HADHA: variants seen among roughly 807,000 people sequenced by gnomAD.
The protein encoded by HADHA is hydroxyacyl-CoA dehydrogenase trifunctional multienzyme complex subunit alpha, also known as trifunctional enzyme subunit alpha, mitochondrial.
Under a neutral mutation model 91.3 loss-of-function variants are expected in HADHA, and 59 were observed. That is an observed-to-expected ratio of 0.65 (90% CI 0.52 to 0.80). HADHA has a LOEUF of 0.80. HADHA is among the 30% of genes least tolerant of loss of function. The probability of loss-of-function intolerance (pLI) is 0.00; values close to 1 mark genes in which losing one functional copy is unlikely to be tolerated. For missense variants in HADHA, 800 were observed against 927.6 expected, an observed-to-expected ratio of 0.86 and a Z score of 1.79; for synonymous variants, 320 against 338.9, an observed-to-expected ratio of 0.94 and a Z score of 0.61.
At position 26,229,337 on chromosome 2, in the gene HADHA, T is replaced by C. The variant is rs887808207; in HGVS notation, c.676+855A>G. On this transcript the variant is annotated intron_variant, in intron 7 of 19. Coordinates refer to ENST00000380649, the MANE Select transcript of HADHA (RefSeq NM_000182.5). This position sits in a 1 kb window ranked among gnomAD's most constrained non-coding sequence, Gnocchi z 4.3. ...TGAGCAACAGAGTGAGACCCCAACA[T>C]GTGTGCGCGCGCACACACACACACA... Among the ~76,000 whole-genome samples the C allele has an allele frequency of 3.8e-5, 2 of 52,536 alleles. No individual in the cohort carries two copies. Among genetic ancestry groups the C allele is most frequent in the African/African-American group, 1.4e-4 (1 of 7,278 alleles). 34.5% of individuals were successfully genotyped at this position (52,536 alleles called of 152,430 possible). A position where few individuals can be genotyped will look rare whatever the true frequency, so the allele number is the denominator to read the frequency against.
intron 11 of HADHA, among the ~76,000 whole-genome samples, chr2:26,208,483 T>A (rs1670019828): frequency 6.6e-6 from 1 of 152,218 alleles, no homozygotes; most frequent in South Asian, 2.1e-4. Context: ...AGTACCCTCT[T>A]CTGTTGCAAA....
chr2:26,242,156 C>A (rs905074108), intron 1 of HADHA, among the ~76,000 whole-genome samples: 1 of 152,174 alleles, frequency 6.6e-6, no homozygotes, highest in African/African-American at 2.4e-5. Context: ...TCCCAATATA[C>A]TGGGATTATA....
At chr2:26,237,499 C>T (rs1469217492) in intron 3 of HADHA, among the ~76,000 whole-genome samples, 2 of 152,038 alleles carry the variant, frequency 1.3e-5, no homozygotes, top group South Asian at 2.1e-4. Flanking sequence ...TGACAGCACA[C>T]GCCTATAGTC....
At chr2:26,200,757 G>A (rs1669809615) in intron 13 of HADHA, among the ~76,000 whole-genome samples, 1 of 149,576 alleles carries the variant, frequency 6.7e-6, no homozygotes, top group Non-Finnish European at 1.5e-5. Flanking sequence ...TTTGGAGATG[G>A]AGTCTCGCTC....
At position 26,193,700 on chromosome 2, in the gene HADHA, C is replaced by T; in HGVS notation, c.1762G>A (p.Val588Met). The change falls in exon 17 of 20, where the codon GTG (valine) becomes ATG (methionine). Residue 588 changes from valine (V) to methionine (M), a missense_variant. By Grantham distance (21) the Val-to-Met change is conservative. Transcript: ENST00000380649. Reference protein sequence around the residue: ...FGFPVGAATLVDEVGVDVAKH... With the variant: ...FGFPVGAATLMDEVGVDVAKH... Reference sequence around the variant, plus strand: ...GCTACATCCACACCAACTTCATCCACCAGTGTGGCGGCACCCACAGGAAAG... The same window carrying T: ...GCTACATCCACACCAACTTCATCCATCAGTGTGGCGGCACCCACAGGAAAG... 6.2e-7 allele frequency: 1 copy of T among 1,613,998 alleles called. No individual in the cohort carries two copies. Among genetic ancestry groups the T allele is most frequent in the Non-Finnish European group, 8.5e-7 (1 of 1,179,856 alleles).
rs745530073 is a variant in HADHA, at chr2:26,232,215, T to G, written c.518A>C (p.Glu173Ala). 3 of 1,605,834 alleles carry G rather than the reference T, an allele frequency of 1.9e-6. No individual in the cohort carries two copies. Among genetic ancestry groups the G allele is most frequent in the Non-Finnish European group, 2.6e-6 (3 of 1,172,480 alleles). Residue 173 changes from glutamate (E) to alanine (A), a missense_variant, in exon 6 of 20, where the codon GAA becomes GCA. Physicochemically the swap from Glu to Ala is moderately radical, Grantham distance 107 (BLOSUM62 -1). Coordinates refer to ENST00000380649, the MANE Select transcript of HADHA (RefSeq NM_000182.5). ...TCCTGGTAAGGCCCCCAGCAAAACT[T>G]CAGGGGTACCTAATACTGTTTTTCT... ...KDRKTVLGTP[E>A]VLLGALPGAG...
chr2:26,233,040 A>G (rs1383585921), intron 5 of HADHA, among the ~76,000 whole-genome samples: 2 of 152,148 alleles, frequency 1.3e-5, no homozygotes, highest in African/African-American at 4.8e-5. Flanking sequence ...AGGCCAATGG[A>G]GTGCGCAACC....
At chr2:26,211,070 C>A (rs1392723095) in intron 10 of HADHA, among the ~76,000 whole-genome samples, 1 of 152,112 alleles carries the variant, frequency 6.6e-6, no homozygotes, top group African/African-American at 2.4e-5. Flanking sequence ...ATCTAATAAA[C>A]CAGTGATTTT....
At chr2:26,236,339 ATGTG>A (rs752287719) in intron 4 of HADHA, among the ~76,000 whole-genome samples, 47 of 109,848 alleles carry the variant, frequency 4.3e-4, no homozygotes, top group Non-Finnish European at 7.4e-4. Context: ...AGATCACATG[ATGTG>A]TGTGTGTGTG....
chr2:26,237,315 GA>G (rs1040922871), intron 3 of HADHA, among the ~76,000 whole-genome samples: 7 of 152,102 alleles, frequency 4.6e-5, no homozygotes, highest in African/African-American at 1.7e-4. Context: ...ATAATGTTAA[GA>G]AAAAAATGAA....
At position 26,244,616 on chromosome 2, in the gene HADHA, C is replaced by A. The variant is rs370081402; in HGVS notation, c.-20G>T. ...CACCATCTTGAGCTGAAGAGGACAG[C>A]AGTGGAGAGCGCCTCTAACGGGTGC... On this transcript the variant is annotated 5_prime_UTR_variant, in exon 1 of 20. Coordinates refer to ENST00000380649, the MANE Select transcript of HADHA (RefSeq NM_000182.5). The A allele has an allele frequency of 2.0e-5, 31 of 1,565,776 alleles. No individual in the cohort carries two copies. Among genetic ancestry groups the A allele is most frequent in the Non-Finnish European group, 2.6e-5 (30 of 1,154,732 alleles).
chr2:26,190,734 T>G lies in HADHA; in HGVS notation c.*516A>C. The G allele has an allele frequency of 5.0e-6, 1 of 199,378 alleles. No homozygotes were observed. Among genetic ancestry groups the G allele is most frequent in the Non-Finnish European group, 1.0e-5 (1 of 96,454 alleles). 12.4% of individuals were successfully genotyped at this position (199,378 alleles called of 1,614,324 possible). A position where few individuals can be genotyped will look rare whatever the true frequency, so the allele number is the denominator to read the frequency against. ...GGTGTGTGTGGTTGAGCCCACCAGG[T>G]CCCACTTTCTCTCATCCCAGTCCCT... On this transcript the variant is annotated 3_prime_UTR_variant, in exon 20 of 20. Coordinates refer to ENST00000380649, the MANE Select transcript of HADHA (RefSeq NM_000182.5).
At chr2:26,227,218 A>G (rs746639121) in intron 7 of HADHA, among the ~76,000 whole-genome samples, 3 of 152,192 alleles carry the variant, frequency 2.0e-5, no homozygotes, top group Admixed American at 1.3e-4. Flanking sequence ...ACAATGAAAT[A>G]TGACTAATTC....
At chr2:26,219,691 A>G (rs1670328412) in intron 7 of HADHA, among the ~76,000 whole-genome samples, 1 of 152,230 alleles carries the variant, frequency 6.6e-6, no homozygotes. Context: ...TAGCAGCACC[A>G]TGCCAAATCA....
chr2:26,228,418 AC>A (rs1670534497), intron 7 of HADHA, among the ~76,000 whole-genome samples: 1 of 152,192 alleles, frequency 6.6e-6, no homozygotes, highest in Non-Finnish European at 1.5e-5. Context: ...GGCTTGAGCC[AC>A]CACGCCCAGT....
At chr2:26,211,743 C>T (rs935685217) in intron 10 of HADHA, among the ~76,000 whole-genome samples, 3 of 152,182 alleles carry the variant, frequency 2.0e-5, no homozygotes. Context: ...AAACACAAAT[C>T]ACTTAAATCT....
chr2:26,236,904 C>T lies in HADHA; in HGVS notation c.265G>A (p.Val89Ile), dbSNP rs752186772. 2.4e-5 allele frequency: 38 copies of T among 1,611,058 alleles called. No individual in the cohort carries two copies. The highest frequency in any genetic ancestry group is 1.7e-4 in the Middle Eastern group (1 of 5,860). ...CAGCCTGGCTTTGATGAGATAAGGA[C>T]GGCACTTCTGATTTGATCACTAGCC... ...IWASDQIRSA[V>I]LISSKPGCFI... The change falls in exon 4 of 20, where the codon GTC (valine) becomes ATC (isoleucine). Residue 89 changes from valine (V) to isoleucine (I), a missense_variant. Coordinates refer to ENST00000380649, the MANE Select transcript of HADHA (RefSeq NM_000182.5).
In HADHA at chr2:26,215,095, C is replaced by A. The variant is rs779352136; in HGVS notation, c.757G>T (p.Asp253Tyr). 3.5e-5 allele frequency: 56 copies of A among 1,608,298 alleles called. No homozygotes were observed. Among genetic ancestry groups the A allele is most frequent in the Non-Finnish European group, 4.8e-5 (56 of 1,174,846 alleles). The change falls in exon 8 of 20, where the codon GAT (aspartate) becomes TAT (tyrosine). Residue 253 changes from aspartate to tyrosine, a missense_variant. Coordinates refer to ENST00000380649, the MANE Select transcript of HADHA (RefSeq NM_000182.5). ...VAITFAKGLA[D>Y]KKISPKRDKG... ...TCTCTCTTTGGAGAGATCTTCTTAT[C>A]AGCTAGTCCTTTGGCAAAAGTAATT...
intron 7 of HADHA, among the ~76,000 whole-genome samples, chr2:26,224,959 G>A (rs754487498): frequency 2.4e-4 from 37 of 152,276 alleles, no homozygotes; most frequent in Admixed American, 1.1e-3. Flanking sequence ...ATTATGAACA[G>A]CTTTATTGCA....
Sources: gnomAD v4.1 joint callset for allele counts (sites outside exome capture counted in the v4.1 genomes callset) on GRCh38, gnomAD v4.1.1 for gene constraint, Gnocchi (gnomAD v3.1) non-coding constraint, MANE v1.5 for transcripts, NCBI Gene and HGNC (gene_info 2026-07-23, HGNC 2026-07-21) for gene names.